Variants in KDM5C observed in about 807,000 individuals in gnomAD.
KDM5C encodes the protein lysine demethylase 5C, also known as lysine-specific demethylase 5C.
Under a neutral mutation model 110.6 loss-of-function variants are expected in KDM5C, and 16 were observed. The ratio of observed to expected loss-of-function variants is 0.14; its 90% CI spans 0.10 to 0.22. The LOEUF (loss-of-function observed/expected upper bound fraction) is 0.22, where lower values mean the gene tolerates loss of function less well. Ranked by LOEUF, KDM5C falls within the 10% of genes least tolerant of loss-of-function variation. The pLI, the probability that KDM5C is intolerant of heterozygous loss-of-function variation, is 1.00. For missense variants in KDM5C, 681 were observed against 1,300.9 expected, an observed-to-expected ratio of 0.52 and a Z score of 7.33; for synonymous variants, 511 against 520.4, an observed-to-expected ratio of 0.98 and a Z score of 0.24.
chrX:53,201,474 A>T, intron 14 of KDM5C, 76 bp downstream of exon 14: 1 of 963,402 alleles, frequency 1.0e-6, no homozygotes, highest in African/African-American at 1.9e-5. Flanking sequence ...AGTAGAGGCT[A>T]CATCTTCTTG....
chrX:53,195,046 G>A lies in KDM5C; in HGVS notation c.3323C>T (p.Ala1108Val), dbSNP rs1556835566. ...LLEVLCPCAD[A>V]GSDSTKRSRW... is the part of the protein sequence containing the mutation. ...GCTGCGCTTGGTGCTGTCTGAGCCG[G>A]CATCTGCACATGGGCAGAGAACCTG... The change falls in exon 22 of 26, where the codon GCC (alanine) becomes GTC (valine). Residue 1108 changes from alanine to valine, a missense_variant. By Grantham distance (64) the Ala-to-Val change is moderately conservative. This residue lies in a region of KDM5C where 66 missense variants were observed against 162.9 expected (regional missense o/e 0.41). Coordinates refer to ENST00000375401, the MANE Select transcript of KDM5C (RefSeq NM_004187.5). 5.0e-6 allele frequency: 6 copies of A among 1,209,031 alleles called. No individual in the cohort carries two copies. Among genetic ancestry groups the A allele is most frequent in the Non-Finnish European group, 6.7e-6 (6 of 894,154 alleles).
At position 53,210,426 on chromosome X, in the gene KDM5C, G is replaced by A. The variant is rs200941258; in HGVS notation, c.1734C>T (p.Ser578=). 3.8e-5 allele frequency: 46 copies of A among 1,210,473 alleles called. 1 individual carries two copies. The Admixed American group carries it at 7.0e-4, about 18-fold the overall frequency. The change falls in exon 12 of 26, where the codon TCC becomes TCT. Residue 578 remains serine (S), a synonymous_variant. Coordinates refer to ENST00000375401, the MANE Select transcript of KDM5C (RefSeq NM_004187.5). Reference sequence around the variant, plus strand: ...CCTGGGTACTCACTGGCACACCATGGGACATGAGGGTGTTGGGATTCATGA... The same window carrying A: ...CCTGGGTACTCACTGGCACACCATGAGACATGAGGGTGTTGGGATTCATGA... ...VTLMNPNTLM[S]HGVPVVRTNQ...
rs2146822099 is a variant in KDM5C, at chrX:53,194,508, C to T, written c.3669G>A (p.Pro1223=). The T allele has an allele frequency of 6.6e-6, 8 of 1,211,000 alleles. No homozygotes were observed. Among genetic ancestry groups the T allele is most frequent in the Middle Eastern group, 2.3e-4 (1 of 4,350 alleles). ...GTGGGGATGAGGTGGGATTGGGCCTCGGAGAGCTGAGGAGGCGAGGCACTG... is the reference window on the plus strand; with the variant it reads ...GTGGGGATGAGGTGGGATTGGGCCTTGGAGAGCTGAGGAGGCGAGGCACTG... The part of the protein sequence containing the change: ...CVSVPRLLSS[P]RPNPTSSPLL... Residue 1223 remains proline (P), a synonymous_variant, in exon 23 of 26, where the codon CCG becomes CCA. Coordinates refer to ENST00000375401, the MANE Select transcript of KDM5C (RefSeq NM_004187.5).
chrX:53,183,714 A>G (rs1934135871), intron 25 of KDM5C, among the ~76,000 whole-genome samples: 2 of 109,274 alleles, frequency 1.8e-5, no homozygotes, highest in Non-Finnish European at 3.8e-5. Context: ...GATTACAGGC[A>G]TGGATTACCA....
chrX:53,178,819 C>T (rs182467558), intron 25 of KDM5C, among the ~76,000 whole-genome samples: 3 of 112,332 alleles, frequency 2.7e-5, no homozygotes, highest in East Asian at 2.8e-4. Context: ...ATACTGTCAC[C>T]CGGGTGTGAT....
intron 1 of KDM5C, among the ~76,000 whole-genome samples, chrX:53,222,355 C>T (rs1406832798): frequency 3.9e-4 from 36 of 93,427 alleles, no homozygotes; most frequent in Middle Eastern, 5.1e-3. Flanking sequence ...GCTCAGTAAG[C>T]AGGGACAAAA....
chrX:53,219,782 T>C (rs2073848967), intron 2 of KDM5C, among the ~76,000 whole-genome samples: 1 of 112,792 alleles, frequency 8.9e-6, no homozygotes, highest in African/African-American at 3.2e-5. Flanking sequence ...CTTAGCTTTC[T>C]GAAGTTGGCC....
At chrX:53,215,685 C>T in intron 7 of KDM5C, 110 bp downstream of exon 7, 2 of 808,552 alleles carry the variant, frequency 2.5e-6, no homozygotes, top group Admixed American at 4.8e-5. Context: ...GGGCAGGGCC[C>T]ATGGAGGCCC....
chrX:53,216,265 G>A (rs1219222947), intron 5 of KDM5C, 68 bp from the exon 6 acceptor site: 4 of 1,177,890 alleles, frequency 3.4e-6, no homozygotes, highest in Admixed American at 4.4e-5. Flanking sequence ...TAAAAGAACA[G>A]TAACTCGGAC....
chrX:53,204,238 CTTTTTTTTT>C (rs10604955), intron 12 of KDM5C, among the ~76,000 whole-genome samples: 22 of 60,779 alleles, frequency 3.6e-4, no homozygotes, highest in Non-Finnish European at 5.2e-4. Context: ...AAAGAAAATC[CTTTTTTTTT>C]TTTTTTTTTT....
intron 12 of KDM5C, among the ~76,000 whole-genome samples, chrX:53,204,042 T>G (rs1289007424): frequency 9.0e-6 from 1 of 111,191 alleles, no homozygotes; most frequent in African/African-American, 3.3e-5. Flanking sequence ...TGCACCGCAC[T>G]GGCCTCTCAG....
rs2073996497 is a variant in KDM5C at position 53,224,838 on chromosome X, C to G, written c.52G>C (p.Glu18Gln). Reference sequence around the variant, plus strand: ...TCTCGGAACTCGGCCCAGCTAGGCTCGAACACCGGGCACTCCGGTGGCGGT... The same window carrying G: ...TCTCGGAACTCGGCCCAGCTAGGCTGGAACACCGGGCACTCCGGTGGCGGT... ...FLPPPECPVFEPSWAEFRDPL... is the reference protein window; with the variant it reads ...FLPPPECPVFQPSWAEFRDPL... The change falls in exon 1 of 26, where the codon GAG (glutamate) becomes CAG (glutamine). Residue 18 changes from glutamate (E) to glutamine (Q), a missense_variant. Glu to Gln is a conservative substitution (Grantham distance 29, BLOSUM62 2). This residue lies in a region of KDM5C where 15 missense variants were observed against 37.0 expected (regional missense o/e 0.41). Coordinates refer to ENST00000375401, the MANE Select transcript of KDM5C (RefSeq NM_004187.5). The G allele has an allele frequency of 8.3e-7, 1 of 1,209,007 alleles. No individual in the cohort carries two copies. The highest frequency in any genetic ancestry group is 1.1e-6 in the Non-Finnish European group (1 of 894,153).
chrX:53,187,957 T>C (rs951045633), downstream of KDM5C, among the ~76,000 whole-genome samples: 3 of 109,444 alleles, frequency 2.7e-5, no homozygotes, highest in Non-Finnish European at 5.7e-5. Flanking sequence ...TTAGCCAGGA[T>C]GGTCTCGATC....
chrX:53,191,039 A>G (rs782009968), downstream of KDM5C, among the ~76,000 whole-genome samples: 2 of 111,643 alleles, frequency 1.8e-5, no homozygotes, highest in Admixed American at 1.9e-4. Context: ...GGCAGACTCC[A>G]AACACAGAAC....
intron 25 of KDM5C, among the ~76,000 whole-genome samples, chrX:53,178,783 G>A (rs933134154): frequency 1.8e-5 from 2 of 112,453 alleles, no homozygotes; most frequent in Non-Finnish European, 3.8e-5. Context: ...ACTTCATTCA[G>A]ATTAAAAACT....
At chrX:53,210,889 G>A in intron 10 of KDM5C, 32 bp from the exon 11 acceptor site, 2 of 1,158,585 alleles carry the variant, frequency 1.7e-6, no homozygotes, top group Non-Finnish European at 2.4e-6. Flanking sequence ...AAAAGGGCAT[G>A]AGGGTTATGC....
chrX:53,216,816 T>TCAAAA lies in KDM5C; in HGVS notation c.657+322_657+326dup, dbSNP rs782524881. Reference sequence around the variant, plus strand: ...GGGCGACATAGCAAGACCCTATGCCTCAAAACAAAACAAAACAAAAGATAC... The same window carrying TCAAAA: ...GGGCGACATAGCAAGACCCTATGCCTCAAAACAAAACAAAACAAAACAAAAGATAC... On this transcript the variant is annotated intron_variant, in intron 5 of 25. Coordinates refer to ENST00000375401, the MANE Select transcript of KDM5C (RefSeq NM_004187.5). Among the ~76,000 whole-genome samples, 114 of 111,632 alleles carry TCAAAA rather than the reference T, an allele frequency of 1.0e-3. No individual in the cohort carries two copies. In the East Asian group the frequency reaches 0.021, roughly 21 times the overall value.
intron 12 of KDM5C, among the ~76,000 whole-genome samples, chrX:53,203,096 G>A (rs1312342785): frequency 9.0e-6 from 1 of 111,386 alleles, no homozygotes; most frequent in Non-Finnish European, 1.9e-5. Context: ...GTGAGCCACC[G>A]CGCCCGGCAA....
chrX:53,191,862 T>C, downstream of KDM5C: 1 of 176,090 alleles, frequency 5.7e-6, no homozygotes, highest in South Asian at 2.9e-4. Context: ...AAAATCCCTT[T>C]GGGAGCTTGA....
Sources: gnomAD v4.1 joint callset for allele counts (sites outside exome capture counted in the v4.1 genomes callset) on GRCh38, gnomAD v4.1.1 for gene constraint, gnomAD v4.1.1 regional missense constraint, MANE v1.5 for transcripts, NCBI Gene and HGNC (gene_info 2026-07-23, HGNC 2026-07-21) for gene names.